Variants in BMPR1B observed in about 807,000 individuals in gnomAD.
BMPR1B encodes the protein bone morphogenetic protein receptor type-1B.
In BMPR1B, 12 loss-of-function variants were observed where a neutral mutation model predicts 59.1. The ratio of observed to expected loss-of-function variants is 0.20; its 90% CI spans 0.13 to 0.33. The LOEUF is 0.33. Among genes scored for constraint, BMPR1B ranks in the 10% least tolerant of loss-of-function variants. The probability of loss-of-function intolerance (pLI) is 1.00; values close to 1 mark genes in which losing one functional copy is unlikely to be tolerated. For synonymous variants in BMPR1B, 237 were observed against 207.3 expected, an observed-to-expected ratio of 1.14 and a Z score of -1.23; for missense variants, 550 against 610.9, an observed-to-expected ratio of 0.90 and a Z score of 1.05.
chr4:94,917,088 T>C (rs1728513418), intron 2 of BMPR1B, among the ~76,000 whole-genome samples: 1 of 152,226 alleles, frequency 6.6e-6, no homozygotes, highest in South Asian at 2.1e-4. Context: ...GAGTGAAGAA[T>C]GCTTGGCAGC....
chr4:95,132,909 T>G (rs763442561), intron 10 of BMPR1B, among the ~76,000 whole-genome samples: 4 of 152,160 alleles, frequency 2.6e-5, no homozygotes, highest in Non-Finnish European at 4.4e-5. Flanking sequence ...AAACCTTTCT[T>G]TCTCCTGTTT....
chr4:94,827,812 A>G (rs1724438395), intron 1 of BMPR1B, among the ~76,000 whole-genome samples: 1 of 152,220 alleles, frequency 6.6e-6, no homozygotes, highest in Non-Finnish European at 1.5e-5. Context: ...GTTGTCAGAT[A>G]AAATCAACGG....
chr4:94,825,125 G>C (rs999440373), intron 1 of BMPR1B, among the ~76,000 whole-genome samples: 2 of 152,162 alleles, frequency 1.3e-5, no homozygotes, highest in Non-Finnish European at 2.9e-5. Context: ...TGTTCTTTTT[G>C]TGGATGGGAG....
At chr4:95,120,466 A>T (rs1002111897) in intron 6 of BMPR1B, among the ~76,000 whole-genome samples, 2 of 152,244 alleles carry the variant, frequency 1.3e-5, no homozygotes, top group African/African-American at 4.8e-5. Flanking sequence ...GAAAAGAAGA[A>T]GTTAAAGTAT....
At chr4:94,791,419 G>C (rs748069964) in intron 1 of BMPR1B, among the ~76,000 whole-genome samples, 1 of 152,128 alleles carries the variant, frequency 6.6e-6, no homozygotes, top group Non-Finnish European at 1.5e-5. Context: ...TAACTTTCTA[G>C]AAATAGCTGA....
In BMPR1B at chr4:94,770,388, T is replaced by C. The variant is rs529861314; in HGVS notation, c.-183+12320T>C. Among the ~76,000 whole-genome samples the C allele has an allele frequency of 2.0e-5, 3 of 152,212 alleles. No homozygotes were observed. The South Asian group carries it at 6.2e-4, about 32-fold the overall frequency. ...TAGCTTTTTTGGCTGCAGGAACTTA[T>C]TAATGCATTATCCCAGAGGTGACTT... On this transcript the variant is annotated intron_variant, in intron 1 of 12. Transcript: ENST00000515059.
At chr4:95,038,781 C>T (rs1472344645) in intron 3 of BMPR1B, among the ~76,000 whole-genome samples, 1 of 152,194 alleles carries the variant, frequency 6.6e-6, no homozygotes, top group Non-Finnish European at 1.5e-5. Flanking sequence ...AGTGAGGACT[C>T]TGAAGTGCTT....
intron 1 of BMPR1B, among the ~76,000 whole-genome samples, chr4:94,817,961 A>G (rs2110649308): frequency 6.6e-6 from 1 of 152,302 alleles, no homozygotes; most frequent in South Asian, 2.1e-4. Flanking sequence ...TCACAGTAGG[A>G]TCACCTGGGG....
intron 3 of BMPR1B, among the ~76,000 whole-genome samples, chr4:95,036,524 C>T (rs566939645): frequency 3.9e-5 from 6 of 152,146 alleles, no homozygotes; most frequent in African/African-American, 4.8e-5. Context: ...GTTCCAGCTA[C>T]GTTGTTGTAA....
intron 3 of BMPR1B, among the ~76,000 whole-genome samples, chr4:95,099,517 TA>T (rs1730667497): frequency 6.6e-6 from 1 of 152,232 alleles, no homozygotes; most frequent in Non-Finnish European, 1.5e-5. Flanking sequence ...CACATTTTTC[TA>T]AAAGATGCAG....
At chr4:94,838,992 T>G (rs375630118) in intron 1 of BMPR1B, among the ~76,000 whole-genome samples, 3,638 of 124,904 alleles carry the variant, frequency 0.029, 142 homozygotes, top group African/African-American at 0.069. Context: ...AGAACATCTT[T>G]ATTTCTGCCT....
At chr4:94,869,698 T>A (rs1726402433) in intron 1 of BMPR1B, among the ~76,000 whole-genome samples, 1 of 152,232 alleles carries the variant, frequency 6.6e-6, no homozygotes, top group African/African-American at 2.4e-5. Context: ...TTTCTAAGTA[T>A]GCATAGTTTT....
chr4:95,107,474 A>G (rs1231334575), intron 4 of BMPR1B, among the ~76,000 whole-genome samples: 1 of 152,108 alleles, frequency 6.6e-6, no homozygotes, highest in Non-Finnish European at 1.5e-5. Flanking sequence ...AAACAGCCAC[A>G]GTAAAAATGG....
intron 10 of BMPR1B, among the ~76,000 whole-genome samples, chr4:95,138,256 G>C (rs1733955641): frequency 6.6e-6 from 1 of 152,186 alleles, no homozygotes; most frequent in Non-Finnish European, 1.5e-5. Context: ...CTGGCTTGTG[G>C]AGTTTCTGCT....
At position 95,061,160 on chromosome 4, in the gene BMPR1B, A is replaced by AACACACACACACAC. The variant is rs58119571; in HGVS notation, c.-17-43211_-17-43198dup. 1.1e-3 allele frequency among the ~76,000 whole-genome samples: 151 copies of AACACACACACACAC among 142,666 alleles called. 1 individual carries two copies. The highest frequency in any genetic ancestry group is 6.1e-3 in the East Asian group (29 of 4,716). 93.6% of individuals were successfully genotyped at this position (142,666 alleles called of 152,430 possible). A position where few individuals can be genotyped will look rare whatever the true frequency, so the allele number is the denominator to read the frequency against. ...GGAATTTTTGACTTGATTTAGAATA[A>AACACACACACACAC]ACACACACACACACACACACACACA... On this transcript the variant is annotated intron_variant, in intron 3 of 12. Coordinates refer to ENST00000515059, the MANE Select transcript of BMPR1B (RefSeq NM_001203.3).
At chr4:94,825,043 A>G (rs1036085644) in intron 1 of BMPR1B, among the ~76,000 whole-genome samples, 5 of 152,322 alleles carry the variant, frequency 3.3e-5, no homozygotes, top group Admixed American at 2.0e-4. Flanking sequence ...GTGGATGTTC[A>G]TGTAGTTTTG....
At chr4:94,782,945 T>G (rs571676765) in intron 1 of BMPR1B, among the ~76,000 whole-genome samples, 7 of 152,326 alleles carry the variant, frequency 4.6e-5, no homozygotes, top group African/African-American at 1.7e-4. Context: ...CCACTCCTAA[T>G]GCTTGTTTTT....
At chr4:95,095,125 T>C (rs1038896113) in intron 3 of BMPR1B, among the ~76,000 whole-genome samples, 1 of 151,868 alleles carries the variant, frequency 6.6e-6, no homozygotes, top group African/African-American at 2.4e-5. Context: ...GGAAAAATGG[T>C]TAGGTGATGA....
At chr4:95,068,550 ATTC>A in intron 3 of BMPR1B, among the ~76,000 whole-genome samples, 1 of 152,136 alleles carries the variant, frequency 6.6e-6, no homozygotes, top group Non-Finnish European at 1.5e-5. Flanking sequence ...AGGAGCAACC[ATTC>A]TATACTCATG....
Sources: gnomAD v4.1 joint callset for allele counts (sites outside exome capture counted in the v4.1 genomes callset) on GRCh38, gnomAD v4.1.1 for gene constraint, MANE v1.5 for transcripts, NCBI Gene and HGNC (gene_info 2026-07-23, HGNC 2026-07-21) for gene names.